The following SGIP1 variants were observed in gnomAD, a reference collection of about 807,000 sequenced individuals.
SGIP1 encodes the protein SH3-containing GRB2-like protein 3-interacting protein 1.
Under a neutral mutation model 107.5 loss-of-function variants are expected in SGIP1, and 38 were observed. The ratio of observed to expected loss-of-function variants is 0.35; its 90% CI spans 0.27 to 0.46. The LOEUF (loss-of-function observed/expected upper bound fraction) is 0.46, where lower values mean the gene tolerates loss of function less well. SGIP1 is among the 20% of genes least tolerant of loss of function. The pLI is 1.00. For missense variants in SGIP1, 929 were observed against 1,019.5 expected (o/e 0.91, Z 1.21); for synonymous variants, 365 against 366.1 (o/e 1.00, Z 0.03).
intron 1 of SGIP1, among the ~76,000 whole-genome samples, chr1:66,591,365 AAC>A (rs2063589472): frequency 6.6e-6 from 1 of 152,228 alleles, no homozygotes; most frequent in Non-Finnish European, 1.5e-5. Context: ...CTAGGTGATG[AAC>A]ACAGATTCTT....
At chr1:66,620,499 AG>A (rs2070754208) in intron 1 of SGIP1, among the ~76,000 whole-genome samples, 1 of 152,136 alleles carries the variant, frequency 6.6e-6, no homozygotes, top group South Asian at 2.1e-4. Context: ...TAGAAGGTGA[AG>A]GGGAAGCAAG....
intron 1 of SGIP1, among the ~76,000 whole-genome samples, chr1:66,615,644 A>G (rs1187244434): frequency 6.6e-6 from 1 of 152,156 alleles, no homozygotes; most frequent in Non-Finnish European, 1.5e-5. Context: ...AGGGTTTTTT[A>G]AACCTCATTT....
At chr1:66,648,436 G>A (rs950986624) in intron 7 of SGIP1, among the ~76,000 whole-genome samples, 2 of 152,056 alleles carry the variant, frequency 1.3e-5, no homozygotes, top group Non-Finnish European at 2.9e-5. Flanking sequence ...CCAGGCTAAG[G>A]ACACAGAACC....
At chr1:66,694,416 G>C in intron 17 of SGIP1, 1 of 1,599,794 alleles carries the variant, frequency 6.3e-7, no homozygotes, top group South Asian at 1.1e-5. Flanking sequence ...TTTTCCATTC[G>C]TTTATGTTTC....
chr1:66,711,808 G>A (rs1223871219), intron 18 of SGIP1, among the ~76,000 whole-genome samples: 1 of 152,154 alleles, frequency 6.6e-6, no homozygotes, highest in Non-Finnish European at 1.5e-5. Context: ...TGTTTTCAGG[G>A]TGACTGTTTC....
At chr1:66,694,517 C>A in intron 17 of SGIP1, 1 of 1,581,496 alleles carries the variant, frequency 6.3e-7, no homozygotes, top group Non-Finnish European at 8.6e-7. Flanking sequence ...ATGGTGCTAG[C>A]CAAGTGATCT....
chr1:66,555,946 T>C (rs2058111574), intron 1 of SGIP1, among the ~76,000 whole-genome samples: 1 of 152,148 alleles, frequency 6.6e-6, no homozygotes, highest in Non-Finnish European at 1.5e-5. Flanking sequence ...AGCTAGAACA[T>C]GGTTAAGCCA....
At chr1:66,601,946 T>C (rs12135689) in intron 1 of SGIP1, among the ~76,000 whole-genome samples, 20,591 of 152,220 alleles carry the variant, frequency 0.14, 2,056 homozygotes, top group East Asian at 0.46. Flanking sequence ...GCAATATCTC[T>C]AAATTAGTAC....
chr1:66,667,455 G>C, intron 8 of SGIP1, 75 bp from the exon 9 acceptor site: 1 of 1,401,792 alleles, frequency 7.1e-7, no homozygotes, highest in Non-Finnish European at 1.0e-6. Flanking sequence ...AAAGTCTTCT[G>C]TTACCCAAGA....
intron 1 of SGIP1, among the ~76,000 whole-genome samples, chr1:66,598,737 A>G (rs997120931): frequency 5.3e-5 from 8 of 152,170 alleles, no homozygotes; most frequent in Admixed American, 4.6e-4. Flanking sequence ...TCACCAGAAC[A>G]TCACCGAAGA....
chr1:66,633,602 ATG>A (rs1476176548), intron 3 of SGIP1, among the ~76,000 whole-genome samples: 7 of 152,168 alleles, frequency 4.6e-5, no homozygotes, highest in Admixed American at 4.6e-4. Flanking sequence ...AAAGAGGAAA[ATG>A]TGTCCACTGG....
At chr1:66,591,240 C>T (rs1205893534) in intron 1 of SGIP1, among the ~76,000 whole-genome samples, 1 of 152,168 alleles carries the variant, frequency 6.6e-6, no homozygotes. Flanking sequence ...ATGCCATATT[C>T]CTGCTAACAA....
chr1:66,683,695 C>CTTTCCTTT (rs2087367866), intron 15 of SGIP1, among the ~76,000 whole-genome samples: 1 of 53,792 alleles, frequency 1.9e-5, no homozygotes, highest in East Asian at 2.0e-3. Context: ...TTGTTTGTTT[C>CTTTCCTTT]TTTTCTTTTT....
intron 2 of SGIP1, among the ~76,000 whole-genome samples, chr1:66,631,681 T>TCTC (rs2074740245): frequency 2.3e-5 from 3 of 132,164 alleles, no homozygotes; most frequent in African/African-American, 5.7e-5. Context: ...CTCTCTCTCT[T>TCTC]TCTCTCTCTC....
At chr1:66,719,789 C>A (rs2093431144) in intron 19 of SGIP1, among the ~76,000 whole-genome samples, 1 of 152,098 alleles carries the variant, frequency 6.6e-6, no homozygotes, top group African/African-American at 2.4e-5. Flanking sequence ...CTTAATCTTT[C>A]CTGGACAGGA....
chr1:66,542,898 G>A (rs150669369), intron 1 of SGIP1, among the ~76,000 whole-genome samples: 9 of 152,316 alleles, frequency 5.9e-5, no homozygotes, highest in African/African-American at 2.2e-4. Context: ...TCCTAGTTAA[G>A]TGCTGTTTAT....
At chr1:66,726,210 C>T (rs896131955) in intron 19 of SGIP1, among the ~76,000 whole-genome samples, 5 of 152,156 alleles carry the variant, frequency 3.3e-5, no homozygotes, top group Non-Finnish European at 7.3e-5. Context: ...TGAAGGAAAA[C>T]CCCTTTCTCC....
Position 66,647,340 on chromosome 1 carries a change from G to A in SGIP1, c.459+3621G>A, listed in dbSNP as rs374084762. Among the ~76,000 whole-genome samples the A allele has an allele frequency of 4.6e-5, 7 of 152,228 alleles. No homozygotes were observed. The South Asian group carries it at 8.3e-4, about 18-fold the overall frequency. On this transcript the variant is annotated intron_variant, in intron 7 of 24. Transcript: ENST00000371037. ...TTTAAGAGTTTAACTCAGAAGTTGC[G>A]CGCATCACTACCACCCAGATCCCAC...
At chr1:66,548,031 G>C (rs2056735100) in intron 1 of SGIP1, among the ~76,000 whole-genome samples, 1 of 152,124 alleles carries the variant, frequency 6.6e-6, no homozygotes, top group Non-Finnish European at 1.5e-5. Flanking sequence ...ACAGAGGCAG[G>C]AGAGAAGAAC....
Sources: allele counts gnomAD v4.1 joint callset (sites outside exome capture counted in the v4.1 genomes callset), GRCh38; gene constraint gnomAD v4.1.1; transcripts MANE v1.5; gene names NCBI Gene and HGNC (gene_info 2026-07-23, HGNC 2026-07-21).